Variants in UBR4 observed in about 807,000 individuals in gnomAD.
UBR4 encodes E3 ubiquitin-protein ligase UBR4.
Under a neutral mutation model 575.6 loss-of-function variants are expected in UBR4, and 124 were observed. The ratio of observed to expected loss-of-function variants is 0.22; its 90% CI spans 0.19 to 0.25. UBR4 has a LOEUF of 0.25. Among genes scored for constraint, UBR4 ranks in the 10% least tolerant of loss-of-function variants. The pLI, the probability that UBR4 is intolerant of heterozygous loss-of-function variation, is 1.00. For missense variants in UBR4, 4,818 were observed against 6,478.8 expected (o/e 0.74, Z 8.80); for synonymous variants, 2,455 against 2,473.7 (o/e 0.99, Z 0.22).
chr1:19,151,756 T>G lies in UBR4; in HGVS notation c.7100A>C (p.Tyr2367Ser). ...GTQAIERAPS[Y>S]IEIFGRTMQL... Reference sequence around the variant, plus strand: ...CATAGTTCTGCCGAAGATCTCGATATATGACGGGGCCCGTTCTATTGCTTG... The same window carrying G: ...CATAGTTCTGCCGAAGATCTCGATAGATGACGGGGCCCGTTCTATTGCTTG... Residue 2367 changes from tyrosine (Y) to serine (S), a missense_variant, in exon 48 of 106, where the codon TAT (tyrosine) becomes TCT (serine). By Grantham distance (144) the Tyr-to-Ser change is moderately radical (BLOSUM62 -2). Around this residue, in one of 29 missense-constraint regions of UBR4, gnomAD observed 461 missense variants for 606.9 expected, o/e 0.76. Transcript: ENST00000375254. The G allele has an allele frequency of 6.2e-7, 1 of 1,614,194 alleles. No homozygotes were observed. Among genetic ancestry groups the G allele is most frequent in the Middle Eastern group, 1.6e-4 (1 of 6,062 alleles).
intron 102 of UBR4, among the ~76,000 whole-genome samples, chr1:19,082,883 C>G (rs1303723376): frequency 2.0e-5 from 3 of 152,168 alleles, no homozygotes; most frequent in African/African-American, 7.2e-5. Flanking sequence ...CCTCCATAAA[C>G]AAATATTCCA....
At chr1:19,141,926 G>T in intron 55 of UBR4, 149 bp from the exon 56 acceptor site, 2 of 1,114,998 alleles carry the variant, frequency 1.8e-6, no homozygotes, top group Non-Finnish European at 1.3e-6. Context: ...GCTATGCCTG[G>T]CCTTGTTCTC....
intron 89 of UBR4, 57 bp from the exon 90 acceptor site, chr1:19,099,734 C>T (rs2078426029): frequency 6.5e-7 from 1 of 1,532,876 alleles, no homozygotes; most frequent in African/African-American, 1.4e-5. Context: ...CAAGTAAAAT[C>T]CAAGAGCAAA....
rs991974901 is a variant in UBR4, at chr1:19,169,525, T to C, written c.3651A>G (p.Thr1217=). Residue 1217 remains threonine (T), a synonymous_variant, in exon 27 of 106, where the codon ACA becomes ACG. Coordinates refer to ENST00000375254, the MANE Select transcript of UBR4 (RefSeq NM_020765.3). ...CTGACGATGGCAAATTCTGAACCAGTGTCGGACCTGGAGGCGACAGAAAGG... is the reference window on the plus strand; with the variant it reads ...CTGACGATGGCAAATTCTGAACCAGCGTCGGACCTGGAGGCGACAGAAAGG... The part of the protein sequence containing the change: ...SRCKANTLGP[T]LVQNLPSSVQ... 2 of 1,613,488 alleles carry C rather than the reference T, an allele frequency of 1.2e-6. No individual in the cohort carries two copies. Among genetic ancestry groups the C allele is most frequent in the Non-Finnish European group, 1.7e-6 (2 of 1,179,810 alleles).
intron 1 of UBR4, among the ~76,000 whole-genome samples, chr1:19,202,970 T>A (rs2092818417): frequency 6.6e-6 from 1 of 151,224 alleles, no homozygotes; most frequent in Admixed American, 6.6e-5. Context: ...TAATCCCAGC[T>A]ACTCAGAAGG....
intron 26 of UBR4, 98 bp from the exon 27 acceptor site, chr1:19,169,630 G>T (rs2089181687): frequency 3.3e-6 from 3 of 895,936 alleles, no homozygotes; most frequent in Non-Finnish European, 5.1e-6. Flanking sequence ...AAACAGTACA[G>T]CCCAGGCTGT....
intron 38 of UBR4, 48 bp from the exon 39 acceptor site, chr1:19,160,329 A>G: frequency 6.8e-7 from 1 of 1,476,406 alleles, no homozygotes. Context: ...AAAAAAGAAA[A>G]ACAATGGATA....
chr1:19,166,517 T>G (rs2088433953), intron 29 of UBR4, among the ~76,000 whole-genome samples: 1 of 151,978 alleles, frequency 6.6e-6, no homozygotes, highest in South Asian at 2.1e-4. Flanking sequence ...TCCAAAAAAC[T>G]CTTCACACAT....
chr1:19,176,784 C>A, intron 19 of UBR4, 57 bp from the exon 20 acceptor site: 1 of 1,587,922 alleles, frequency 6.3e-7, no homozygotes, highest in Non-Finnish European at 8.6e-7. Flanking sequence ...TTCAGCTTTT[C>A]ACTCAGGCAT....
chr1:19,108,202 C>T (rs2079438740), intron 81 of UBR4, among the ~76,000 whole-genome samples: 1 of 152,122 alleles, frequency 6.6e-6, no homozygotes, highest in South Asian at 2.1e-4. Context: ...CATCAATAAA[C>T]TTTTCATACT....
At chr1:19,201,203 T>TG (rs1441373634) in intron 2 of UBR4, among the ~76,000 whole-genome samples, 1 of 152,158 alleles carries the variant, frequency 6.6e-6, no homozygotes, top group Non-Finnish European at 1.5e-5. Context: ...TTTAGACAAA[T>TG]GTAAAAATTC....
Position 19,210,190 on chromosome 1 carries a change from G to C in UBR4, c.59C>G (p.Ala20Gly), listed in dbSNP as rs2151910134. ...GCCCGGGGTCGTGTCCGCCCCCGTT[G>C]CCGGGGTCCCCGGCGCCGGAGCCGC... ...AAAAPAPGTP[A>G]TGADTTPGWE... is the part of the protein sequence containing the mutation. Residue 20 changes from alanine (A) to glycine (G), a missense_variant, in exon 1 of 106, where the codon GCA (alanine) becomes GGA (glycine). By Grantham distance (60) the Ala-to-Gly change is moderately conservative (BLOSUM62 0). This residue lies in a region of UBR4 where 95 missense variants were observed against 87.7 expected (regional missense o/e 1.08). Coordinates refer to ENST00000375254, the MANE Select transcript of UBR4 (RefSeq NM_020765.3). 1 of 1,488,656 alleles carries C rather than the reference G, an allele frequency of 6.7e-7. No homozygotes were observed. The highest frequency in any genetic ancestry group is 2.7e-5 in the East Asian group (1 of 36,548). The allele number at this position is 1,488,656 out of a possible 1,614,324, so 92.2% of individuals were successfully genotyped here.
chr1:19,149,594 A>T (rs763371624), intron 49 of UBR4, among the ~76,000 whole-genome samples: 13 of 152,160 alleles, frequency 8.5e-5, no homozygotes, highest in Non-Finnish European at 1.6e-4. Flanking sequence ...GATCTTCCAT[A>T]TACTCCATTT....
intron 34 of UBR4, among the ~76,000 whole-genome samples, chr1:19,163,470 G>A (rs1571310768): frequency 6.6e-6 from 1 of 152,226 alleles, no homozygotes; most frequent in South Asian, 2.1e-4. Flanking sequence ...TGAGCAGGGA[G>A]ACAGTTTCCC....
At chr1:19,127,032 T>C (rs1417703801) in intron 63 of UBR4, among the ~76,000 whole-genome samples, 1 of 152,208 alleles carries the variant, frequency 6.6e-6, no homozygotes, top group East Asian at 1.9e-4. Context: ...CTTTCCATTA[T>C]AGGCACTTCT....
At chr1:19,200,254 T>C (rs1390841125) in intron 2 of UBR4, among the ~76,000 whole-genome samples, 2 of 147,854 alleles carry the variant, frequency 1.4e-5, no homozygotes, top group African/African-American at 5.0e-5. Flanking sequence ...ACAGTAACAA[T>C]AGCTGATGAG....
In UBR4 at chr1:19,139,235, A is replaced by T. The variant is rs749645294; in HGVS notation, c.8594-15T>A. 1.1e-5 allele frequency: 17 copies of T among 1,593,638 alleles called. No homozygotes were observed. The South Asian group carries it at 1.8e-4, about 17-fold the overall frequency. On this transcript the variant is annotated splice_polypyrimidine_tract_variant and intron_variant, in intron 58 of 105. Coordinates refer to ENST00000375254, the MANE Select transcript of UBR4 (RefSeq NM_020765.3). This position sits in a 1 kb window ranked among gnomAD's most constrained non-coding sequence, Gnocchi z 4.2. ...TGAGGCTGGAGCTGAGAGAGTAACG[A>T]GAGCTGTTACAGGTTAAAAAACAAA...
chr1:19,126,586 G>A lies in UBR4; in HGVS notation c.9298C>T (p.His3100Tyr). 1.9e-6 allele frequency: 3 copies of A among 1,614,186 alleles called. No homozygotes were observed. The highest frequency in any genetic ancestry group is 2.5e-6 in the Non-Finnish European group (3 of 1,180,030). The change falls in exon 64 of 106, where the codon CAC becomes TAC. Residue 3100 changes from histidine (H) to tyrosine (Y), a missense_variant. Around this residue, in one of 29 missense-constraint regions of UBR4, gnomAD observed 550 missense variants for 791.5 expected, o/e 0.69. Coordinates refer to ENST00000375254, the MANE Select transcript of UBR4 (RefSeq NM_020765.3). ...TATTCCAGCAGTGATTTGAGCACGT[G>A]CAGGCAGTAGTCCACAGCCCCAGAG... ...LSSGAVDYCL[H>Y]VLKSLLEYWK...
intron 14 of UBR4, among the ~76,000 whole-genome samples, chr1:19,185,704 G>T (rs2091464969): frequency 6.6e-6 from 1 of 151,568 alleles, no homozygotes; most frequent in African/African-American, 2.4e-5. Flanking sequence ...CTCCCGAGTA[G>T]CTGGGACTAC....
Sources: allele counts gnomAD v4.1 joint callset (sites outside exome capture counted in the v4.1 genomes callset), GRCh38; gene constraint gnomAD v4.1.1; regional missense constraint gnomAD v4.1.1; non-coding constraint Gnocchi (gnomAD v3.1); transcripts MANE v1.5; gene names NCBI Gene and HGNC (gene_info 2026-07-23, HGNC 2026-07-21).